The following BNIP1 variants were observed in gnomAD, a reference collection of about 807,000 sequenced individuals.
BNIP1 encodes BCL2 interacting protein 1.
Under a neutral mutation model 28.5 loss-of-function variants are expected in BNIP1, and 25 were observed. That is an observed-to-expected ratio of 0.88 (90% CI 0.64 to 1.23). BNIP1 has a LOEUF of 1.23. BNIP1 is among the 50% of genes most tolerant of loss of function. BNIP1 has a pLI of 0.00. For synonymous variants in BNIP1, 118 were observed against 101.7 expected, an observed-to-expected ratio of 1.16 and a Z score of -0.96; for missense variants, 276 against 277.0, an observed-to-expected ratio of 1.00 and a Z score of 0.02.
At chr5:173,158,171 T>TC (rs1561598237) in intron 3 of BNIP1, among the ~76,000 whole-genome samples, 1 of 151,764 alleles carries the variant, frequency 6.6e-6, no homozygotes, top group African/African-American at 2.4e-5. Context: ...GCTCAAGTGA[T>TC]CCCCCCACCT....
chr5:173,147,708 C>T (rs1018780221), intron 2 of BNIP1, among the ~76,000 whole-genome samples: 1 of 151,962 alleles, frequency 6.6e-6, no homozygotes, highest in African/African-American at 2.4e-5. Context: ...TCAAAAAACA[C>T]TAGAGGGTGA....
At chr5:173,158,156 C>T (rs1363716739) in intron 3 of BNIP1, among the ~76,000 whole-genome samples, 2 of 152,022 alleles carry the variant, frequency 1.3e-5, no homozygotes, top group African/African-American at 4.8e-5. Context: ...GTCTTGAACT[C>T]CTGGGCTCAA....
rs1371252543 is a variant in BNIP1, at chr5:173,163,874, G to A, written c.640G>A (p.Ala214Thr). 1 of 1,613,576 alleles carries A rather than the reference G, an allele frequency of 6.2e-7. No homozygotes were observed. The highest frequency in any genetic ancestry group is 8.5e-7 in the Non-Finnish European group (1 of 1,179,848). ...CTTCCTTGCGCTAGCCCTGTTTCTT[G>A]CTACGGTCCTCTATATTGTGAAAAA... is the stretch of plus-strand genomic sequence containing the variant. Reference protein sequence around the residue: ...LIFLALALFLATVLYIVKKRL... With the variant: ...LIFLALALFLTTVLYIVKKRL... The change falls in exon 6 of 6, where the codon GCT (alanine) becomes ACT (threonine). Residue 214 changes from alanine (A) to threonine (T), a missense_variant. Transcript: ENST00000351486.
At position 173,163,930 on chromosome 5, in the gene BNIP1, A is replaced by G. The variant is rs534224177; in HGVS notation, c.*9A>G. 26 of 1,596,266 alleles carry G rather than the reference A, an allele frequency of 1.6e-5. No homozygotes were observed. In the African/African-American group the frequency reaches 2.8e-4, roughly 17 times the overall value. ...TCTTTCCATTTTTGTGAGATCCCAA[A>G]GGTGCCAGTTCTGGCCCTTTCAGCT... On this transcript the variant is annotated 3_prime_UTR_variant, in exon 6 of 6. Coordinates refer to ENST00000351486, the MANE Select transcript of BNIP1 (RefSeq NM_001205.3).
intron 5 of BNIP1, among the ~76,000 whole-genome samples, chr5:173,162,917 G>A (rs1329845673): frequency 6.6e-6 from 1 of 152,132 alleles, no homozygotes; most frequent in Non-Finnish European, 1.5e-5. Context: ...TGTAACTTAA[G>A]CAAATGAAAT....
At chr5:173,150,670 G>C (rs1260342084) in intron 2 of BNIP1, among the ~76,000 whole-genome samples, 3 of 151,896 alleles carry the variant, frequency 2.0e-5, no homozygotes, top group Admixed American at 6.6e-5. Flanking sequence ...TTTGTTTTTT[G>C]TTCCACTCTT....
chr5:173,153,806 A>G (rs1347444790), intron 2 of BNIP1, among the ~76,000 whole-genome samples: 1 of 151,968 alleles, frequency 6.6e-6, no homozygotes, highest in African/African-American at 2.4e-5. Flanking sequence ...CAGCTTCTCA[A>G]CCTCAGCCTC....
Position 173,163,806 on chromosome 5 carries a change from T to A in BNIP1, c.572T>A (p.Ile191Asn). The A allele has an allele frequency of 3.1e-6, 5 of 1,613,940 alleles. No individual in the cohort carries two copies. Among genetic ancestry groups the A allele is most frequent in the Non-Finnish European group, 4.2e-6 (5 of 1,179,914 alleles). Residue 191 changes from isoleucine (I) to asparagine (N), a missense_variant, in exon 6 of 6, where the codon ATC (isoleucine) becomes AAC (asparagine). Coordinates refer to ENST00000351486, the MANE Select transcript of BNIP1 (RefSeq NM_001205.3). ...ACCATCCAGCTGGGCCGGAAGCTTA[T>A]CACAAAATACAATCGCCGGGAGCTG... ...SGTIQLGRKL[I>N]TKYNRRELTD...
At position 173,162,746 on chromosome 5, in the gene BNIP1, A is replaced by G. The variant is rs555876602; in HGVS notation, c.491-979A>G. 7.2e-5 allele frequency among the ~76,000 whole-genome samples: 11 copies of G among 152,228 alleles called. No homozygotes were observed. The East Asian group carries it at 1.9e-3, about 27-fold the overall frequency. On this transcript the variant is annotated intron_variant, in intron 5 of 5. Coordinates refer to ENST00000351486, the MANE Select transcript of BNIP1 (RefSeq NM_001205.3). ...GCCTCGCATGTCTAGGGGCTGCCAT[A>G]TTGGTCAGCACAGCTCTGGAGAGTA...
At chr5:173,157,432 G>A (rs76736288) in intron 3 of BNIP1, among the ~76,000 whole-genome samples, 7 of 145,620 alleles carry the variant, frequency 4.8e-5, no homozygotes, top group African/African-American at 1.8e-4. Context: ...TTTTTTTTTT[G>A]AGACGGAGTC....
intron 2 of BNIP1, 46 bp downstream of exon 2, chr5:173,147,004 A>T: frequency 6.7e-7 from 1 of 1,486,666 alleles, no homozygotes; most frequent in Non-Finnish European, 9.4e-7. Context: ...TGTCCTGGGT[A>T]TATCCTCTGC....
At position 173,148,084 on chromosome 5, in the gene BNIP1, ATATATATATATATATATATATATAT is replaced by A. The variant is rs1216930958; in HGVS notation, c.177+1127_177+1151del. ...TGTCAAAAAAAAAAAAAAAAAAAAA[ATATATATATATATATATATATATAT>A]ATATATATATATATATATATATATA... On this transcript the variant is annotated intron_variant, in intron 2 of 5. Transcript: ENST00000351486. Among the ~76,000 whole-genome samples the A allele has an allele frequency of 2.3e-3, 39 of 16,990 alleles. 2 individuals are homozygous for A. The highest frequency in any genetic ancestry group is 0.021 in the East Asian group (5 of 240). The allele number at this position is 16,990 out of a possible 152,430, so 11.1% of individuals were successfully genotyped here.
rs1471451743 is a variant in BNIP1, at chr5:173,159,992, G to A, written c.431G>A (p.Gly144Glu). 4 of 1,613,972 alleles carry A rather than the reference G, an allele frequency of 2.5e-6. No homozygotes were observed. Among genetic ancestry groups the A allele is most frequent in the Non-Finnish European group, 2.5e-6 (3 of 1,180,006 alleles). The change falls in exon 5 of 6, where the codon GGG becomes GAG. Residue 144 changes from glycine to glutamate, a missense_variant. Coordinates refer to ENST00000351486, the MANE Select transcript of BNIP1 (RefSeq NM_001205.3). ...TSSTITESLM[G>E]ISRMMAQQVQ... ...AGTACCATCACTGAGAGCCTCATGG[G>A]GATCAGCAGGATGATGGCCCAGCAG...
At chr5:173,149,323 T>C (rs1462112043) in intron 2 of BNIP1, among the ~76,000 whole-genome samples, 1 of 151,984 alleles carries the variant, frequency 6.6e-6, no homozygotes, top group Non-Finnish European at 1.5e-5. Context: ...TCACGTCTTA[T>C]ATGGATGGCA....
intron 3 of BNIP1, 112 bp downstream of exon 3, chr5:173,154,525 T>A: frequency 6.6e-5 from 3 of 45,774 alleles, no homozygotes; most frequent in Non-Finnish European, 1.3e-4. Flanking sequence ...TAATGGTGTC[T>A]TTTTTTTTTT....
rs145159288 is a variant in BNIP1, at chr5:173,146,783, A to G, written c.85-83A>G. 3.7e-6 allele frequency: 4 copies of G among 1,091,192 alleles called. No homozygotes were observed. The African/African-American group carries it at 6.2e-5, about 17-fold the overall frequency. The allele number at this position is 1,091,192 out of a possible 1,614,324, so 67.6% of individuals were successfully genotyped here. On this transcript the variant is annotated intron_variant, in intron 1 of 5. Coordinates refer to ENST00000351486, the MANE Select transcript of BNIP1 (RefSeq NM_001205.3). The stretch of plus-strand genomic sequence containing the variant: ...TTAGTATGTTAATATTAGTTGGTCT[A>G]AACCAACTCTATCACTGTATGGATG...
chr5:173,158,637 C>T, intron 3 of BNIP1, 107 bp from the exon 4 acceptor site: 1 of 793,206 alleles, frequency 1.3e-6, no homozygotes. Flanking sequence ...AAGGCCGTGC[C>T]TGGTGGCCTT....
At chr5:173,148,877 C>T (rs1173880923) in intron 2 of BNIP1, among the ~76,000 whole-genome samples, 2 of 152,164 alleles carry the variant, frequency 1.3e-5, no homozygotes, top group African/African-American at 4.8e-5. Flanking sequence ...TTGGTTTCTT[C>T]TTCCTTCTTT....
At chr5:173,162,331 G>A (rs558125213) in intron 5 of BNIP1, among the ~76,000 whole-genome samples, 28 of 152,082 alleles carry the variant, frequency 1.8e-4, no homozygotes, top group Admixed American at 4.6e-4. Flanking sequence ...TTGAAACATC[G>A]TGTGGATTTT....
Sources: allele counts gnomAD v4.1 joint callset (sites outside exome capture counted in the v4.1 genomes callset), GRCh38; gene constraint gnomAD v4.1.1; transcripts MANE v1.5; gene names NCBI Gene and HGNC (gene_info 2026-07-23, HGNC 2026-07-21).